The following FAAH2 variants were observed in gnomAD, a reference collection of about 807,000 sequenced individuals.
FAAH2 encodes fatty acid amide hydrolase 2.
In FAAH2, 60 loss-of-function variants were observed where a neutral mutation model predicts 36.9. The observed-to-expected ratio is 1.63, with a 90% CI of 1.32 to 2.02. FAAH2 has a LOEUF of 2.02. FAAH2 is among the 30% of genes most tolerant of loss of function. FAAH2 has a pLI of 0.00. For synonymous variants in FAAH2, 214 were observed against 143.8 expected (o/e 1.49, Z -3.49); for missense variants, 689 against 397.5 (o/e 1.73, Z -6.23).
At chrX:57,299,705 C>A (rs1363715528) in intron 2 of FAAH2, among the ~76,000 whole-genome samples, 1 of 111,440 alleles carries the variant, frequency 9.0e-6, no homozygotes, top group African/African-American at 3.3e-5. Context: ...ATCTAGAAAA[C>A]CCCATCATCT....
At chrX:57,206,470 TG>T in the FAAH2 span, among the ~76,000 whole-genome samples, 24 of 111,144 alleles carry the variant, frequency 2.2e-4, no homozygotes, top group African/African-American at 6.5e-4. Context: ...ATTTCTCGAG[TG>T]GGGGCAGCAC....
intron 4 of FAAH2, among the ~76,000 whole-genome samples, chrX:57,339,179 A>C (rs1283571397): frequency 8.9e-6 from 1 of 112,188 alleles, no homozygotes; most frequent in African/African-American, 3.2e-5. Flanking sequence ...TTCTCTATTT[A>C]ATAATTCGTG....
intron 10 of FAAH2, among the ~76,000 whole-genome samples, chrX:57,487,773 T>A (rs2057502043): frequency 8.9e-6 from 1 of 111,997 alleles, no homozygotes; most frequent in African/African-American, 3.2e-5. Context: ...TTCATCTTTA[T>A]ATGTATATAT....
the FAAH2 span, among the ~76,000 whole-genome samples, chrX:57,259,848 T>A: frequency 3.9e-4 from 43 of 111,682 alleles, no homozygotes; most frequent in Non-Finnish European, 6.4e-4. Context: ...CTGGAAAAAA[T>A]ATTTAAAGAA....
chrX:57,478,217 A>T (rs2057307952), intron 10 of FAAH2, among the ~76,000 whole-genome samples: 1 of 111,630 alleles, frequency 9.0e-6, no homozygotes, highest in Non-Finnish European at 1.9e-5. Context: ...TGTGGTTTTG[A>T]TATGCATTTC....
chrX:57,364,466 A>G (rs2054363722), intron 5 of FAAH2, among the ~76,000 whole-genome samples: 1 of 95,668 alleles, frequency 1.0e-5, no homozygotes, highest in Non-Finnish European at 2.1e-5. Flanking sequence ...TTTTTTGCTA[A>G]TAGATCCCCT....
At chrX:57,206,551 G>A in the FAAH2 span, among the ~76,000 whole-genome samples, 3 of 112,423 alleles carry the variant, frequency 2.7e-5, no homozygotes, top group Non-Finnish European at 5.6e-5. Context: ...TCAATTGCTT[G>A]CCCTATATAA....
intron 8 of FAAH2, among the ~76,000 whole-genome samples, chrX:57,437,527 T>A (rs1408365341): frequency 9.1e-6 from 1 of 109,462 alleles, no homozygotes; most frequent in African/African-American, 3.3e-5. Flanking sequence ...AAGAATTCAG[T>A]AAAGTTTCAG....
At chrX:57,261,209 G>C in the FAAH2 span, among the ~76,000 whole-genome samples, 16 of 110,896 alleles carry the variant, frequency 1.4e-4, no homozygotes, top group Admixed American at 9.6e-5. Flanking sequence ...GCAATTAAAG[G>C]GCACATATTA....
rs2057518931 is a variant in FAAH2, at chrX:57,488,770, C to T, written c.1437C>T (p.Ala479=). The T allele has an allele frequency of 8.3e-7, 1 of 1,207,424 alleles. No individual in the cohort carries two copies. Among genetic ancestry groups the T allele is most frequent in the South Asian group, 1.8e-5 (1 of 56,278 alleles). The change falls in exon 11 of 11, where the codon GCC becomes GCT. Residue 479 remains alanine, a synonymous_variant. Coordinates refer to ENST00000374900, the MANE Select transcript of FAAH2 (RefSeq NM_174912.4). ...FNFAYTGVFS[A]LGLPVTQCPL... ...TGTTTTCTTCAGGTGTCTTCAGTGC[C>T]CTGGGTTTGCCTGTGACCCAATGCC... is the stretch of plus-strand genomic sequence containing the variant.
intron 7 of FAAH2, chrX:57,392,730 G>T (rs959655671): frequency 1.6e-6 from 1 of 611,742 alleles, no homozygotes; most frequent in Middle Eastern, 3.1e-4. Flanking sequence ...TGTGCTCATC[G>T]TTCCTACTAA....
intron 4 of FAAH2, among the ~76,000 whole-genome samples, chrX:57,337,598 G>T (rs1414253903): frequency 8.9e-6 from 1 of 111,873 alleles, no homozygotes; most frequent in Non-Finnish European, 1.9e-5. Context: ...AAGTTTGGCT[G>T]AACATATGCA....
chrX:57,351,689 T>C (rs1256112528), intron 5 of FAAH2, among the ~76,000 whole-genome samples: 1 of 109,188 alleles, frequency 9.2e-6, no homozygotes, highest in Admixed American at 9.9e-5. Context: ...GAGACTATTA[T>C]GAAAACTGTA....
At chrX:57,329,601 C>A (rs919156677) in intron 3 of FAAH2, among the ~76,000 whole-genome samples, 2 of 107,889 alleles carry the variant, frequency 1.9e-5, no homozygotes, top group South Asian at 8.3e-4. Flanking sequence ...ATTATGTGTG[C>A]TGGTAGAGAA....
At chrX:57,375,297 G>A (rs776159809) in intron 5 of FAAH2, among the ~76,000 whole-genome samples, 23 of 105,317 alleles carry the variant, frequency 2.2e-4, no homozygotes, top group African/African-American at 7.7e-4. Flanking sequence ...AATAGGATTG[G>A]TACCAATTCT....
intron 10 of FAAH2, among the ~76,000 whole-genome samples, chrX:57,475,024 C>A (rs1388548197): frequency 1.8e-5 from 2 of 111,489 alleles, no homozygotes; most frequent in Non-Finnish European, 3.8e-5. Flanking sequence ...TCATATCCTT[C>A]ACCCAATTTT....
chrX:57,295,525 G>A lies in FAAH2; in HGVS notation c.275+2945G>A, dbSNP rs777311176. On this transcript the variant is annotated intron_variant, in intron 2 of 10. Transcript: ENST00000374900. ...ACAACTCCAGTCTACAGTTCCCAGCGTAAGCGACGCAGAAGATGGGTGATT... is the reference window on the plus strand; with the variant it reads ...ACAACTCCAGTCTACAGTTCCCAGCATAAGCGACGCAGAAGATGGGTGATT... 2.3e-3 allele frequency among the ~76,000 whole-genome samples: 260 copies of A among 112,136 alleles called. 2 individuals are homozygous for A. The highest frequency in any genetic ancestry group is 2.6e-3 in the Non-Finnish European group (136 of 53,241).
intron 1 of FAAH2, among the ~76,000 whole-genome samples, chrX:57,288,513 C>T: frequency 9.3e-6 from 1 of 107,848 alleles, no homozygotes. Context: ...CCATGCCCGG[C>T]TAATATTTCG....
intron 8 of FAAH2, among the ~76,000 whole-genome samples, chrX:57,437,346 C>A (rs2056430535): frequency 9.0e-6 from 1 of 110,563 alleles, no homozygotes; most frequent in Non-Finnish European, 1.9e-5. Flanking sequence ...TTTCACCACT[C>A]CTATTCAACA....
Sources: gnomAD v4.1 joint callset for allele counts (sites outside exome capture counted in the v4.1 genomes callset) on GRCh38, gnomAD v4.1.1 for gene constraint, MANE v1.5 for transcripts, NCBI Gene and HGNC (gene_info 2026-07-23, HGNC 2026-07-21) for gene names.